The following TLE2 variants were observed in gnomAD, a reference collection of about 807,000 sequenced individuals.
TLE2 encodes the protein transducin-like enhancer protein 2.
In TLE2, 74 loss-of-function variants were observed where a neutral mutation model predicts 97.2. The observed-to-expected ratio is 0.76, with a 90% CI of 0.63 to 0.92. The LOEUF (loss-of-function observed/expected upper bound fraction) is 0.92. Ranked by LOEUF, TLE2 falls within the 40% of genes least tolerant of loss-of-function variation. The pLI, the probability that TLE2 is intolerant of heterozygous loss-of-function variation, is 0.00. For synonymous variants in TLE2, 499 were observed against 432.1 expected (o/e 1.15, Z -1.92); for missense variants, 1,038 against 1,008.7 (o/e 1.03, Z -0.39).
chr19:3,014,945 C>T (rs1332574274), intron 9 of TLE2, among the ~76,000 whole-genome samples: 2 of 151,308 alleles, frequency 1.3e-5, no homozygotes, highest in Non-Finnish European at 2.9e-5. Context: ...AGCAATCATC[C>T]TTACCGCCTT....
Position 3,013,827 on chromosome 19 carries a change from G to A in TLE2, c.724-9C>T, listed in dbSNP as rs1255351793. ...GGCTCTGAGGGTTGGTCCTGGGTTT[G>A]AGGAGGTGACGTTGAGCAGAGTTGA... On this transcript the variant is annotated splice_polypyrimidine_tract_variant and intron_variant, in intron 10 of 19. Coordinates refer to ENST00000262953, the MANE Select transcript of TLE2 (RefSeq NM_003260.5). The A allele has an allele frequency of 6.6e-7, 1 of 1,525,270 alleles. No individual in the cohort carries two copies. Among genetic ancestry groups the A allele is most frequent in the East Asian group, 2.6e-5 (1 of 38,368 alleles). 94.5% of individuals were successfully genotyped at this position (1,525,270 alleles called of 1,614,324 possible).
chr19:3,003,207 C>A (rs948918466), intron 17 of TLE2, among the ~76,000 whole-genome samples: 7 of 152,122 alleles, frequency 4.6e-5, no homozygotes, highest in African/African-American at 9.7e-5. Context: ...TCTGAGCGCA[C>A]AACAGCACAG....
intron 7 of TLE2, 32 bp from the exon 8 acceptor site, chr19:3,017,891 A>G: frequency 1.9e-6 from 3 of 1,609,634 alleles, no homozygotes; most frequent in South Asian, 1.1e-5. Flanking sequence ...AAAGAGAAAG[A>G]AGGAGAAAGA....
rs1174908109 is a variant in TLE2, at chr19:3,029,116, C to T, written c.-212G>A. On this transcript the variant is annotated 5_prime_UTR_variant, in exon 1 of 20. Coordinates refer to ENST00000262953, the MANE Select transcript of TLE2 (RefSeq NM_003260.5). Reference sequence around the variant, plus strand: ...GGGAGCCCCTCCCCGGGTTGGGGTGCGCGGGGCGAGCGGGGCGGGCAGGGG... The same window carrying T: ...GGGAGCCCCTCCCCGGGTTGGGGTGTGCGGGGCGAGCGGGGCGGGCAGGGG... The T allele has an allele frequency of 4.7e-5, 54 of 1,159,474 alleles. No homozygotes were observed. Among genetic ancestry groups the T allele is most frequent in the Non-Finnish European group, 5.6e-5 (53 of 941,356 alleles). The allele number at this position is 1,159,474 out of a possible 1,614,324, so 71.8% of individuals were successfully genotyped here. A position where few individuals can be genotyped will look rare whatever the true frequency, so the allele number is the denominator to read the frequency against.
At chr19:3,013,027 A>G (rs1599215822) in intron 11 of TLE2, among the ~76,000 whole-genome samples, 1 of 152,076 alleles carries the variant, frequency 6.6e-6, no homozygotes, top group Non-Finnish European at 1.5e-5. Context: ...GGCGGTTGCC[A>G]TGGTAACCTG....
chr19:3,018,665 A>T (rs1304933997), intron 7 of TLE2, among the ~76,000 whole-genome samples: 1 of 143,950 alleles, frequency 6.9e-6, no homozygotes, highest in Non-Finnish European at 1.5e-5. Flanking sequence ...CTCAGGCTGG[A>T]GTACAGTGGC....
upstream of TLE2, among the ~76,000 whole-genome samples, chr19:3,046,693 T>G (rs1466704653): frequency 6.6e-6 from 1 of 151,322 alleles, no homozygotes; most frequent in Non-Finnish European, 1.5e-5. Context: ...GCAGGGGATC[T>G]CCTCACCTGC....
At position 3,027,291 on chromosome 19, in the gene TLE2, G is replaced by A. The variant is rs1011550336; in HGVS notation, c.231+538C>T. ...GCCACAGAGTTTTGAGGTCTATTTT[G>A]GAGTAGTGGGGTCACAGTCTGAACC... On this transcript the variant is annotated intron_variant, in intron 4 of 19. Coordinates refer to ENST00000262953, the MANE Select transcript of TLE2 (RefSeq NM_003260.5). 2.0e-5 allele frequency among the ~76,000 whole-genome samples: 3 copies of A among 152,356 alleles called. No individual in the cohort carries two copies. In the South Asian group the frequency reaches 6.2e-4, roughly 32 times the overall value.
chr19:3,002,416 G>A lies in TLE2; in HGVS notation c.1984C>T (p.Pro662Ser). Residue 662 changes from proline to serine, a missense_variant, in exon 18 of 20, where the codon CCG (proline) becomes TCG (serine). Physicochemically the swap from Pro to Ser is moderately conservative, Grantham distance 74. Coordinates refer to ENST00000262953, the MANE Select transcript of TLE2 (RefSeq NM_003260.5). The stretch of plus-strand genomic sequence containing the variant: ...TGGAGGTGCAGCTGGTATTTCTCCG[G>A]CTTGCGGACGTGCAGGATCTCCACG... The part of the protein sequence containing the change: ...SNVEILHVRK[P>S]EKYQLHLHES... 6.2e-7 allele frequency: 1 copy of A among 1,613,570 alleles called. No homozygotes were observed. The highest frequency in any genetic ancestry group is 2.2e-5 in the East Asian group (1 of 44,848).
At chr19:3,027,763 G>A in intron 4 of TLE2, 66 bp downstream of exon 4, 3 of 1,549,048 alleles carry the variant, frequency 1.9e-6, no homozygotes, top group Non-Finnish European at 2.6e-6. Flanking sequence ...GCCCACTCTG[G>A]GTCCTTCTCA....
At chr19:3,037,208 C>T (rs1023131702) in intron 1 of TLE2, among the ~76,000 whole-genome samples, 1 of 152,182 alleles carries the variant, frequency 6.6e-6, no homozygotes, top group African/African-American at 2.4e-5. Flanking sequence ...TTGCTTGAAC[C>T]TGGGATGCAG....
At chr19:3,025,712 G>T in intron 4 of TLE2, 1 of 624,498 alleles carries the variant, frequency 1.6e-6, no homozygotes, top group Non-Finnish European at 2.0e-6. Context: ...CACGGACTTT[G>T]CCTCTGCCTG....
intron 8 of TLE2, chr19:3,016,039 C>A: frequency 3.9e-6 from 2 of 518,276 alleles, no homozygotes; most frequent in South Asian, 3.1e-5. Flanking sequence ...CGGGTTCAAG[C>A]GATCCTCCTG....
At chr19:3,012,984 G>A (rs1317345213) in intron 11 of TLE2, among the ~76,000 whole-genome samples, 1 of 152,134 alleles carries the variant, frequency 6.6e-6, no homozygotes, top group Non-Finnish European at 1.5e-5. Context: ...GTGGGAGGTG[G>A]GCACTTAAGA....
At position 3,025,314 on chromosome 19, in the gene TLE2, A is replaced by G. The variant is rs1284653796; in HGVS notation, c.232-232T>C. 52 of 1,276,162 alleles carry G rather than the reference A, an allele frequency of 4.1e-5. 1 individual carries two copies. The East Asian group carries it at 1.0e-3, about 25-fold the overall frequency. 79.1% of individuals were successfully genotyped at this position (1,276,162 alleles called of 1,614,324 possible). On this transcript the variant is annotated intron_variant, in intron 4 of 19. Coordinates refer to ENST00000262953, the MANE Select transcript of TLE2 (RefSeq NM_003260.5). ...AGGGTGGCCTGGAGCTGGGAAGACC[A>G]GGGCTGAGGTCCTACGAGTCACAGA... is the stretch of plus-strand genomic sequence containing the variant.
intron 4 of TLE2, among the ~76,000 whole-genome samples, chr19:3,026,060 G>C (rs2089937728): frequency 6.6e-6 from 1 of 152,074 alleles, no homozygotes. Context: ...ATGAAGCTCA[G>C]AAGTTTGGGA....
At chr19:3,036,761 C>G (rs926163096) in intron 1 of TLE2, among the ~76,000 whole-genome samples, 5 of 152,210 alleles carry the variant, frequency 3.3e-5, no homozygotes, top group African/African-American at 1.2e-4. Flanking sequence ...ACCCATACTC[C>G]GTGCTGTTCT....
chr19:3,021,189 G>A (rs1034435031), intron 5 of TLE2, among the ~76,000 whole-genome samples: 5 of 146,240 alleles, frequency 3.4e-5, no homozygotes, highest in Admixed American at 7.0e-5. Context: ...GGTGGATCAC[G>A]AGATCAGGAG....
rs975241812 is a variant in TLE2 at position 3,019,388 on chromosome 19, T to C, written c.445A>G (p.Ser149Gly). ...TPRPAGLVGGSATGLLALSGA... is the reference protein window; with the variant it reads ...TPRPAGLVGGGATGLLALSGA... Reference sequence around the variant, plus strand: ...GACAGAGCAAGCAGCCCCGTAGCACTGCCGCCCACCAGCCCGGCTGGGCGG... The same window carrying C: ...GACAGAGCAAGCAGCCCCGTAGCACCGCCGCCCACCAGCCCGGCTGGGCGG... Residue 149 changes from serine to glycine, a missense_variant, in exon 7 of 20, where the codon AGT becomes GGT. Physicochemically the swap from Ser to Gly is moderately conservative, Grantham distance 56. Transcript: ENST00000262953. The surrounding 1 kb of genome is among the most constrained non-coding windows in gnomAD (Gnocchi z 5.1). 7 of 1,545,794 alleles carry C rather than the reference T, an allele frequency of 4.5e-6. No homozygotes were observed. The African/African-American group carries it at 9.5e-5, about 21-fold the overall frequency.
Sources: allele counts gnomAD v4.1 joint callset (sites outside exome capture counted in the v4.1 genomes callset), GRCh38; gene constraint gnomAD v4.1.1; non-coding constraint Gnocchi (gnomAD v3.1); transcripts MANE v1.5; gene names NCBI Gene and HGNC (gene_info 2026-07-23, HGNC 2026-07-21).